Variants in RAB28 observed in about 807,000 individuals in gnomAD.
RAB28 encodes RAB28, member RAS oncogene family, also known as ras-related protein Rab-28.
In RAB28, 24 loss-of-function variants were observed where a neutral mutation model predicts 31.7. The ratio of observed to expected loss-of-function variants is 0.76; its 90% CI spans 0.55 to 1.06. The LOEUF (loss-of-function observed/expected upper bound fraction) is 1.06, where lower values mean the gene tolerates loss of function less well. Ranked by LOEUF, RAB28 falls within the 50% of genes least tolerant of loss-of-function variation. The pLI, the probability that RAB28 is intolerant of heterozygous loss-of-function variation, is 0.00. For missense variants in RAB28, 254 were observed against 258.5 expected, an observed-to-expected ratio of 0.98 and a Z score of 0.12; for synonymous variants, 100 against 90.4, an observed-to-expected ratio of 1.11 and a Z score of -0.60.
At chr4:13,422,330 G>C (rs1713205739) in intron 4 of RAB28, among the ~76,000 whole-genome samples, 1 of 152,200 alleles carries the variant, frequency 6.6e-6, no homozygotes, top group African/African-American at 2.4e-5. Flanking sequence ...CATTGTGGAA[G>C]ACAGTGTGGT....
At chr4:13,471,330 A>T (rs1716109978) in intron 3 of RAB28, among the ~76,000 whole-genome samples, 1 of 152,108 alleles carries the variant, frequency 6.6e-6, no homozygotes, top group South Asian at 2.1e-4. Context: ...TTTGAAAAGT[A>T]ACATTTTCTC....
At chr4:13,464,415 C>A (rs1484497220) in intron 3 of RAB28, among the ~76,000 whole-genome samples, 1 of 152,082 alleles carries the variant, frequency 6.6e-6, no homozygotes, top group African/African-American at 2.4e-5. Flanking sequence ...CCCCCTGTAG[C>A]CGGTCTGTCT....
At chr4:13,419,806 TC>T in intron 4 of RAB28, among the ~76,000 whole-genome samples, 1 of 152,010 alleles carries the variant, frequency 6.6e-6, no homozygotes, top group Non-Finnish European at 1.5e-5. Context: ...GCAGGAAAGA[TC>T]TAAAATCAAC....
At chr4:13,454,366 T>C (rs1715172420) in intron 4 of RAB28, among the ~76,000 whole-genome samples, 1 of 152,212 alleles carries the variant, frequency 6.6e-6, no homozygotes, top group South Asian at 2.1e-4. Context: ...TACTGAAGTA[T>C]TATTATATTC....
intron 3 of RAB28, among the ~76,000 whole-genome samples, chr4:13,472,831 G>GAATAAATAAATAAATA (rs56310587): frequency 2.6e-4 from 39 of 150,194 alleles, no homozygotes; most frequent in Admixed American, 5.3e-4. Flanking sequence ...AACAGAAAAT[G>GAATAAATAAATAAATA]AATAAATAAA....
intron 6 of RAB28, 116 bp downstream of exon 6, chr4:13,376,429 C>G (rs1728924174): frequency 3.1e-6 from 2 of 655,288 alleles, no homozygotes; most frequent in East Asian, 3.2e-5. Context: ...AATCTATTCC[C>G]AAAGCTTTTA....
intron 6 of RAB28, among the ~76,000 whole-genome samples, chr4:13,375,776 C>A (rs1356842182): frequency 1.3e-5 from 2 of 148,700 alleles, no homozygotes; most frequent in South Asian, 2.1e-4. Flanking sequence ...AAAACACACA[C>A]ACACACACAC....
chr4:13,435,561 G>A (rs1299992176), intron 4 of RAB28, among the ~76,000 whole-genome samples: 2 of 152,086 alleles, frequency 1.3e-5, no homozygotes, highest in Non-Finnish European at 2.9e-5. Flanking sequence ...TGACAGCACA[G>A]AACTACAAAA....
chr4:13,393,827 A>T (rs1303841534), intron 4 of RAB28, among the ~76,000 whole-genome samples: 2 of 149,796 alleles, frequency 1.3e-5, no homozygotes, highest in African/African-American at 4.9e-5. Context: ...TATTCAGATT[A>T]ACTGTAGAGC....
At chr4:13,426,909 T>C (rs1329536114) in intron 4 of RAB28, among the ~76,000 whole-genome samples, 2 of 152,174 alleles carry the variant, frequency 1.3e-5, no homozygotes, top group African/African-American at 4.8e-5. Context: ...GGATATAACA[T>C]GTACTTTAGA....
intron 4 of RAB28, among the ~76,000 whole-genome samples, chr4:13,433,921 T>C (rs1050215743): frequency 6.6e-6 from 1 of 152,090 alleles, no homozygotes; most frequent in African/African-American, 2.4e-5. Context: ...TAGATGCCCA[T>C]CAATGGTGGA....
At position 13,445,239 on chromosome 4, in the gene RAB28, G is replaced by T. The variant is rs368150826; in HGVS notation, c.391+15460C>A. 3.3e-5 allele frequency among the ~76,000 whole-genome samples: 5 copies of T among 151,862 alleles called. No individual in the cohort carries two copies. The East Asian group carries it at 7.8e-4, about 24-fold the overall frequency. ...TTTTCAGCTCCATCAGGTCTTTAAT[G>T]TTCCTATCTAAACTGGTTATTCTAG... is the stretch of plus-strand genomic sequence containing the variant. On this transcript the variant is annotated intron_variant, in intron 4 of 6. Transcript: ENST00000330852.
rs1728921925 is a variant in RAB28 at position 13,376,360 on chromosome 4, T to C, written c.573+185A>G. The stretch of plus-strand genomic sequence containing the variant: ...ACAAAATGAGGTTTCAAGGGTATCA[T>C]AATTTGGCAAAAAGTTAACATTCTC... On this transcript the variant is annotated intron_variant, in intron 6 of 6. Transcript: ENST00000330852. Among the ~76,000 whole-genome samples the C allele has an allele frequency of 2.0e-5, 3 of 152,270 alleles. No homozygotes were observed. The South Asian group carries it at 6.2e-4, about 32-fold the overall frequency.
chr4:13,402,458 C>T (rs555506367), intron 4 of RAB28, among the ~76,000 whole-genome samples: 1 of 152,228 alleles, frequency 6.6e-6, no homozygotes, highest in East Asian at 1.9e-4. Context: ...ATTGTTATAC[C>T]TTTTTGTGAA....
intron 3 of RAB28, among the ~76,000 whole-genome samples, chr4:13,467,349 A>G (rs920243578): frequency 6.6e-6 from 1 of 151,922 alleles, no homozygotes; most frequent in African/African-American, 2.4e-5. Flanking sequence ...AAAATCATAC[A>G]GGATGAAAAA....
intron 4 of RAB28, among the ~76,000 whole-genome samples, chr4:13,443,650 C>T (rs1414383859): frequency 1.3e-5 from 2 of 152,134 alleles, no homozygotes; most frequent in Non-Finnish European, 2.9e-5. Flanking sequence ...AATTAACACA[C>T]CCATAACCTC....
At chr4:13,383,113 C>T (rs1032085545) in intron 4 of RAB28, among the ~76,000 whole-genome samples, 3 of 152,086 alleles carry the variant, frequency 2.0e-5, no homozygotes, top group Non-Finnish European at 2.9e-5. Flanking sequence ...ATACCACAGG[C>T]ATCAATTTGT....
At chr4:13,430,767 C>A (rs540501508) in intron 4 of RAB28, among the ~76,000 whole-genome samples, 6 of 152,270 alleles carry the variant, frequency 3.9e-5, no homozygotes, top group African/African-American at 1.4e-4. Flanking sequence ...CTTTGGCAAG[C>A]ACAGGAGACC....
chr4:13,452,369 T>C (rs886890726), intron 4 of RAB28, among the ~76,000 whole-genome samples: 1 of 151,978 alleles, frequency 6.6e-6, no homozygotes, highest in African/African-American at 2.4e-5. Context: ...TTGCAGTTTA[T>C]TTGAAATCCT....
Sources: gnomAD v4.1 joint callset for allele counts (sites outside exome capture counted in the v4.1 genomes callset) on GRCh38, gnomAD v4.1.1 for gene constraint, MANE v1.5 for transcripts, NCBI Gene and HGNC (gene_info 2026-07-23, HGNC 2026-07-21) for gene names.